The following NUCKS1 variants were observed in gnomAD, a reference collection of about 807,000 sequenced individuals.
The protein encoded by NUCKS1 is nuclear ubiquitous casein and cyclin-dependent kinase substrate 1.
Under a neutral mutation model 33.0 loss-of-function variants are expected in NUCKS1, and 2 were observed. The observed-to-expected ratio is 0.06, with a 90% CI of 0.02 to 0.19. The LOEUF is 0.19. NUCKS1 is among the 10% of genes least tolerant of loss of function. The pLI is 1.00. For synonymous variants in NUCKS1, 106 were observed against 102.8 expected (o/e 1.03, Z -0.19); for missense variants, 201 against 293.6 (o/e 0.68, Z 2.31).
intron 1 of NUCKS1, among the ~76,000 whole-genome samples, chr1:205,745,780 G>T (rs987063906): frequency 1.3e-5 from 2 of 152,136 alleles, no homozygotes; most frequent in African/African-American, 4.8e-5. Flanking sequence ...CTTTAAGCTT[G>T]TTTTGTCATG....
At position 205,714,534 on chromosome 1, in the gene NUCKS1, A is replaced by G. The variant is rs1571564804; in HGVS notation, c.*3746T>C. 1 of 152,234 alleles carries G rather than the reference A, an allele frequency of 6.6e-6. No homozygotes were observed. Among genetic ancestry groups the G allele is most frequent in the Non-Finnish European group, 1.5e-5 (1 of 68,042 alleles). The allele number at this position is 152,234 out of a possible 1,614,324, so 9.4% of individuals were successfully genotyped here. A position where few individuals can be genotyped will look rare whatever the true frequency, so the allele number is the denominator to read the frequency against. ...GTGTAATTTATGGATTCAGGATTCA[A>G]AAAGAATCATTTTGTATCGAATTTA... On this transcript the variant is annotated 3_prime_UTR_variant, in exon 7 of 7. Transcript: ENST00000367142.
chr1:205,750,090 C>G lies in NUCKS1; in HGVS notation c.-117G>C, dbSNP rs532106328. 3,093 of 1,079,530 alleles carry G rather than the reference C, an allele frequency of 2.9e-3. 13 individuals carry two copies. Among genetic ancestry groups the G allele is most frequent in the Non-Finnish European group, 3.7e-3 (2,768 of 751,692 alleles). The allele number at this position is 1,079,530 out of a possible 1,614,324, so 66.9% of individuals were successfully genotyped here. A position where few individuals can be genotyped will look rare whatever the true frequency, so the allele number is the denominator to read the frequency against. On this transcript the variant is annotated 5_prime_UTR_variant, in exon 1 of 7. Transcript: ENST00000367142. ...GCCGATGGGACCGCTGCTGCCGAAC[C>G]CCGAGCTGCTGGCTTCTCAAACTCC...
Position 205,749,945 on chromosome 1 carries a change from C to T in NUCKS1, c.17+12G>A, listed in dbSNP as rs1175387787. The T allele has an allele frequency of 6.2e-7, 1 of 1,610,056 alleles. No individual in the cohort carries two copies. Among genetic ancestry groups the T allele is most frequent in the African/African-American group, 1.3e-5 (1 of 74,638 alleles). On this transcript the variant is annotated intron_variant, in intron 1 of 6. Transcript: ENST00000367142. ...CCTCCAACCCGCTCCAGGCCTCAGA[C>T]TCCGCACTGACCTGACAGGCCGCGA...
Position 205,717,888 on chromosome 1 carries a change from A to G in NUCKS1, c.*392T>C. ...TATTCAACTTGCTATTTTTTAGCAA[A>G]AAGCGAAGTTTCAATAGTGTTCATC... On this transcript the variant is annotated 3_prime_UTR_variant, in exon 7 of 7. Transcript: ENST00000367142. 1.0e-6 allele frequency: 1 copy of G among 988,292 alleles called. No individual in the cohort carries two copies. The highest frequency in any genetic ancestry group is 1.2e-6 in the Non-Finnish European group (1 of 831,812). 61.2% of individuals were successfully genotyped at this position (988,292 alleles called of 1,614,324 possible).
chr1:205,719,453 A>T, intron 6 of NUCKS1, 74 bp downstream of exon 6: 1 of 1,461,738 alleles, frequency 6.8e-7, no homozygotes, highest in Non-Finnish European at 9.3e-7. Context: ...CCTAATGAGG[A>T]ATTTCTGTAT....
intron 1 of NUCKS1, among the ~76,000 whole-genome samples, chr1:205,749,394 A>AC (rs1298763641): frequency 1.3e-5 from 2 of 151,870 alleles, no homozygotes; most frequent in African/African-American, 4.8e-5. Flanking sequence ...GCCTGCAGCG[A>AC]CCCCGAAGGA....
intron 1 of NUCKS1, among the ~76,000 whole-genome samples, chr1:205,741,725 A>G (rs935178735): frequency 1.3e-5 from 2 of 152,220 alleles, no homozygotes; most frequent in African/African-American, 2.4e-5. Context: ...ATAGACTATA[A>G]GCACAGAACT....
At chr1:205,746,034 G>A (rs1654312836) in intron 1 of NUCKS1, among the ~76,000 whole-genome samples, 2 of 152,144 alleles carry the variant, frequency 1.3e-5, no homozygotes, top group African/African-American at 4.8e-5. Context: ...GGTAGTTCAC[G>A]CCTGTAATCC....
intron 1 of NUCKS1, among the ~76,000 whole-genome samples, chr1:205,748,929 C>T (rs1051096102): frequency 1.8e-4 from 27 of 152,240 alleles, no homozygotes; most frequent in African/African-American, 6.3e-4. Flanking sequence ...TGGACTAAAC[C>T]ACACCCCTCC....
intron 1 of NUCKS1, among the ~76,000 whole-genome samples, chr1:205,732,195 A>G (rs959398796): frequency 6.6e-6 from 1 of 152,222 alleles, no homozygotes; most frequent in Non-Finnish European, 1.5e-5. Context: ...TTAGTTTAAC[A>G]AAACTATAAA....
chr1:205,725,698 C>T (rs192345538), intron 3 of NUCKS1, among the ~76,000 whole-genome samples: 1 of 152,088 alleles, frequency 6.6e-6, no homozygotes, highest in Admixed American at 6.5e-5. Flanking sequence ...AGAATAAATA[C>T]ACAAGGCATA....
intron 1 of NUCKS1, among the ~76,000 whole-genome samples, chr1:205,741,579 C>T (rs1344681292): frequency 6.6e-6 from 1 of 152,012 alleles, no homozygotes; most frequent in African/African-American, 2.4e-5. Context: ...AAACCTGTAG[C>T]CTGACAAATT....
rs1671846023 is a variant in NUCKS1 at position 205,717,617 on chromosome 1, A to G, written c.*663T>C. On this transcript the variant is annotated 3_prime_UTR_variant, in exon 7 of 7. Coordinates refer to ENST00000367142, the MANE Select transcript of NUCKS1 (RefSeq NM_022731.5). ...AAAGCCCATACCCTCAAATAAGGTC[A>G]GGTAACCCCATTGCCCACCCTCCCT... 2 of 985,250 alleles carry G rather than the reference A, an allele frequency of 2.0e-6. No individual in the cohort carries two copies. The highest frequency in any genetic ancestry group is 9.4e-5 in the South Asian group (2 of 21,280). 61.0% of individuals were successfully genotyped at this position (985,250 alleles called of 1,614,324 possible).
intron 1 of NUCKS1, among the ~76,000 whole-genome samples, chr1:205,738,989 A>G (rs958839889): frequency 6.6e-6 from 1 of 152,214 alleles, no homozygotes; most frequent in Admixed American, 6.5e-5. Flanking sequence ...CCTGACCTAT[A>G]TGACATTTTT....
chr1:205,749,890 C>A, intron 1 of NUCKS1, 67 bp downstream of exon 1: 1 of 1,510,882 alleles, frequency 6.6e-7, no homozygotes, highest in South Asian at 1.2e-5. Flanking sequence ...CCTTCTGTCC[C>A]CCACTCTTTT....
intron 1 of NUCKS1, among the ~76,000 whole-genome samples, chr1:205,740,377 G>A (rs533710853): frequency 5.3e-5 from 8 of 151,904 alleles, no homozygotes; most frequent in Non-Finnish European, 1.2e-4. Context: ...CCAGCACTCT[G>A]GGAGGCAGAG....
At chr1:205,726,176 G>A (rs559302685) in intron 3 of NUCKS1, among the ~76,000 whole-genome samples, 1 of 152,110 alleles carries the variant, frequency 6.6e-6, no homozygotes, top group Non-Finnish European at 1.5e-5. Flanking sequence ...TCCAGCCTGG[G>A]TGACAAGAGT....
intron 1 of NUCKS1, among the ~76,000 whole-genome samples, chr1:205,737,244 G>C (rs1558054386): frequency 6.6e-6 from 1 of 152,040 alleles, no homozygotes; most frequent in Admixed American, 6.6e-5. Context: ...GTTCCCTTTT[G>C]GACTGTTCCA....
rs1217361761 is a variant in NUCKS1, at chr1:205,714,471, C to G, written c.*3809G>C. On this transcript the variant is annotated 3_prime_UTR_variant, in exon 7 of 7. Coordinates refer to ENST00000367142, the MANE Select transcript of NUCKS1 (RefSeq NM_022731.5). The stretch of plus-strand genomic sequence containing the variant: ...TTCCCAATAGTGGTTATTACACAGT[C>G]AGCACCACTGTGAATTTTGTGAATT... 6.6e-6 allele frequency: 1 copy of G among 151,718 alleles called. No individual in the cohort carries two copies. The highest frequency in any genetic ancestry group is 1.5e-5 in the Non-Finnish European group (1 of 67,942). 9.4% of individuals were successfully genotyped at this position (151,718 alleles called of 1,614,324 possible). A position where few individuals can be genotyped will look rare whatever the true frequency, so the allele number is the denominator to read the frequency against.
Sources: gnomAD v4.1 joint callset for allele counts (sites outside exome capture counted in the v4.1 genomes callset) on GRCh38, gnomAD v4.1.1 for gene constraint, MANE v1.5 for transcripts, NCBI Gene and HGNC (gene_info 2026-07-23, HGNC 2026-07-21) for gene names.